DACH1: variants seen among roughly 807,000 people sequenced by gnomAD.
DACH1 encodes dachshund homolog 1.
In DACH1, 12 loss-of-function variants were observed where a neutral mutation model predicts 54.2. The ratio of observed to expected loss-of-function variants is 0.22; its 90% CI spans 0.14 to 0.36. The LOEUF (loss-of-function observed/expected upper bound fraction) is 0.36, where lower values mean the gene tolerates loss of function less well. DACH1 is among the 10% of genes least tolerant of loss of function. The pLI, the probability that DACH1 is intolerant of heterozygous loss-of-function variation, is 1.00. For synonymous variants in DACH1, 386 were observed against 366.2 expected (o/e 1.05, Z -0.62); for missense variants, 805 against 929.8 (o/e 0.87, Z 1.75).
At chr13:71,508,464 T>A (rs925127502) in intron 6 of DACH1, among the ~76,000 whole-genome samples, 1 of 151,776 alleles carries the variant, frequency 6.6e-6, no homozygotes, top group African/African-American at 2.4e-5. Context: ...GTGGTAAAAA[T>A]TACTTTTTTT....
intron 7 of DACH1, 116 bp from the exon 8 acceptor site, chr13:71,479,432 C>T: frequency 1.0e-6 from 1 of 974,472 alleles, no homozygotes; most frequent in Non-Finnish European, 1.5e-6. Flanking sequence ...AATTCTTTCG[C>T]ATTCACTCTG....
At chr13:71,674,940 A>G (rs1880458171) in intron 2 of DACH1, 2 of 637,244 alleles carry the variant, frequency 3.1e-6, no homozygotes, top group Non-Finnish European at 5.7e-6. Flanking sequence ...AAATATATGA[A>G]AACACATACA....
intron 3 of DACH1, among the ~76,000 whole-genome samples, chr13:71,581,616 A>G (rs1372607136): frequency 1.3e-5 from 2 of 152,228 alleles, no homozygotes; most frequent in Non-Finnish European, 2.9e-5. Flanking sequence ...TATGTTTAAC[A>G]TTTTGGAAAT....
At chr13:71,679,590 T>C (rs1323142587) in intron 2 of DACH1, among the ~76,000 whole-genome samples, 2 of 149,222 alleles carry the variant, frequency 1.3e-5, no homozygotes, top group Admixed American at 1.3e-4. Flanking sequence ...AAATGGTTAT[T>C]TAAAAAAAAA....
chr13:71,732,454 CG>C (rs1031081267), intron 1 of DACH1, among the ~76,000 whole-genome samples: 2 of 151,472 alleles, frequency 1.3e-5, no homozygotes, highest in Non-Finnish European at 2.9e-5. Flanking sequence ...GTGTGGTGGT[CG>C]GTACCTGTAA....
chr13:71,472,699 G>A (rs911755324), intron 10 of DACH1, among the ~76,000 whole-genome samples: 2 of 151,272 alleles, frequency 1.3e-5, no homozygotes, highest in Admixed American at 6.6e-5. Flanking sequence ...GTGAGAGGCT[G>A]TGTGTGTGTC....
rs781318535 is a variant in DACH1 at position 71,630,650 on chromosome 13, C to T, written c.1032G>A (p.Val344=). Reference sequence around the variant, plus strand: ...TCATGGCTTCTAATTTGATTTTTTTCACCTTCATTGCTTCAGCAATAGCTG... The same window carrying T: ...TCATGGCTTCTAATTTGATTTTTTTTACCTTCATTGCTTCAGCAATAGCTG... ...TNAAIAEAMK[V]KKIKLEAMSN... The change falls in exon 3 of 11, where the codon GTG becomes GTA. Residue 344 remains valine, a synonymous_variant. Coordinates refer to ENST00000613252, the MANE Select transcript of DACH1 (RefSeq NM_080759.6). 4 of 1,612,104 alleles carry T rather than the reference C, an allele frequency of 2.5e-6. No homozygotes were observed. Among genetic ancestry groups the T allele is most frequent in the South Asian group, 1.1e-5 (1 of 90,806 alleles).
At chr13:71,789,490 C>CTA (rs1235069545) in intron 1 of DACH1, among the ~76,000 whole-genome samples, 1 of 151,916 alleles carries the variant, frequency 6.6e-6, no homozygotes, top group African/African-American at 2.4e-5. Flanking sequence ...GCATATAAGT[C>CTA]TATATATATA....
intron 6 of DACH1, among the ~76,000 whole-genome samples, chr13:71,505,449 T>C (rs894333894): frequency 1.3e-4 from 20 of 152,152 alleles, no homozygotes; most frequent in African/African-American, 4.8e-4. Context: ...AAAATAACCA[T>C]ATAAGTCTAC....
intron 6 of DACH1, among the ~76,000 whole-genome samples, chr13:71,505,360 C>T (rs910754304): frequency 2.6e-5 from 4 of 152,110 alleles, no homozygotes; most frequent in Non-Finnish European, 4.4e-5. Context: ...GGATTACAGG[C>T]GTAAGCCACT....
chr13:71,853,628 G>A (rs147722307), intron 1 of DACH1, among the ~76,000 whole-genome samples: 391 of 152,176 alleles, frequency 2.6e-3, no homozygotes, highest in East Asian at 0.017. Flanking sequence ...AAGAACCCAG[G>A]TGGCTAATCT....
In DACH1 at chr13:71,479,298, T is replaced by G; in HGVS notation, c.1741A>C (p.Ile581Leu). The stretch of plus-strand genomic sequence containing the variant: ...TTCTCTTGAGCTCTGGCATTATCTA[T>G]GGCAACTTTCAACAGCCCCTGTACA... ...TNIQGLLKVA[I>L]DNARAQEKQV... is the part of the protein sequence containing the mutation. The change falls in exon 8 of 11, where the codon ATA becomes CTA. Residue 581 changes from isoleucine to leucine, a missense_variant. Physicochemically the swap from Ile to Leu is conservative, Grantham distance 5. Coordinates refer to ENST00000613252, the MANE Select transcript of DACH1 (RefSeq NM_080759.6). 6.2e-7 allele frequency: 1 copy of G among 1,613,452 alleles called. No homozygotes were observed. Among genetic ancestry groups the G allele is most frequent in the Non-Finnish European group, 8.5e-7 (1 of 1,179,800 alleles).
chr13:71,495,954 C>T (rs1004779537), intron 6 of DACH1, among the ~76,000 whole-genome samples: 7 of 151,848 alleles, frequency 4.6e-5, no homozygotes, highest in Middle Eastern at 3.4e-3. Flanking sequence ...TGATACAGGC[C>T]GGGCACAGTG....
At chr13:71,476,588 A>G (rs1566282464) in intron 8 of DACH1, among the ~76,000 whole-genome samples, 1 of 152,248 alleles carries the variant, frequency 6.6e-6, no homozygotes, top group East Asian at 1.9e-4. Context: ...TGCTAATAAT[A>G]ATATGCTGCT....
chr13:71,677,552 A>G (rs115465209), intron 2 of DACH1, among the ~76,000 whole-genome samples: 8,956 of 152,228 alleles, frequency 0.059, 829 homozygotes, highest in African/African-American at 0.2. Context: ...ATACCTAAAT[A>G]CTTAATATTA....
intron 2 of DACH1, among the ~76,000 whole-genome samples, chr13:71,669,470 G>A (rs1164390985): frequency 6.6e-6 from 1 of 152,146 alleles, no homozygotes; most frequent in East Asian, 1.9e-4. Flanking sequence ...ATGGTGTGGT[G>A]AGTTGTATTA....
At chr13:71,654,979 T>C (rs1335552248) in intron 2 of DACH1, among the ~76,000 whole-genome samples, 2 of 152,338 alleles carry the variant, frequency 1.3e-5, no homozygotes, top group South Asian at 2.1e-4. Flanking sequence ...CTAATCTACA[T>C]GGCAGCATTA....
At chr13:71,799,563 A>C (rs1887202659) in intron 1 of DACH1, among the ~76,000 whole-genome samples, 1 of 152,146 alleles carries the variant, frequency 6.6e-6, no homozygotes, top group Admixed American at 6.6e-5. Flanking sequence ...CCAGACTATA[A>C]AACCGAGACA....
intron 1 of DACH1, among the ~76,000 whole-genome samples, chr13:71,810,271 T>G (rs1256116651): frequency 6.6e-6 from 1 of 152,178 alleles, no homozygotes; most frequent in Admixed American, 6.6e-5. Flanking sequence ...ATAGCATGAA[T>G]GAGGCCAAGA....
Sources: allele counts gnomAD v4.1 joint callset (sites outside exome capture counted in the v4.1 genomes callset), GRCh38; gene constraint gnomAD v4.1.1; transcripts MANE v1.5; gene names NCBI Gene and HGNC (gene_info 2026-07-23, HGNC 2026-07-21).